The following IQSEC1 variants were observed in gnomAD, a reference collection of about 807,000 sequenced individuals.
IQSEC1 encodes the protein IQ motif and SEC7 domain-containing protein 1.
IQSEC1 carries 31 observed loss-of-function variants against 91.0 expected under a neutral mutation model. That is an observed-to-expected ratio of 0.34 (90% CI 0.26 to 0.46). IQSEC1 has a LOEUF of 0.46. Ranked by LOEUF, IQSEC1 falls within the 20% of genes least tolerant of loss-of-function variation. The pLI, the probability that IQSEC1 is intolerant of heterozygous loss-of-function variation, is 1.00. For missense variants in IQSEC1, 1,388 were observed against 1,575.6 expected (o/e 0.88, Z 2.02); for synonymous variants, 699 against 662.6 (o/e 1.05, Z -0.84).
chr3:13,222,648 C>T (rs943495149), intron 1 of IQSEC1, among the ~76,000 whole-genome samples: 2 of 152,198 alleles, frequency 1.3e-5, no homozygotes, highest in African/African-American at 4.8e-5. Context: ...AATGGCCTCT[C>T]GCAGCAGACG....
At chr3:12,933,080 G>C (rs1261453807) in intron 3 of IQSEC1, among the ~76,000 whole-genome samples, 1 of 152,240 alleles carries the variant, frequency 6.6e-6, no homozygotes, top group Admixed American at 6.5e-5. Flanking sequence ...AGGAAGGGGT[G>C]GGAACTGAGA....
chr3:13,022,790 A>T (rs1703461150), intron 1 of IQSEC1, among the ~76,000 whole-genome samples: 1 of 152,218 alleles, frequency 6.6e-6, no homozygotes, highest in South Asian at 2.1e-4. Flanking sequence ...AAATAAAGAC[A>T]AAATCAGGGC....
At position 12,900,466 on chromosome 3, in the gene IQSEC1, TA is replaced by T; in HGVS notation, c.*516del. ...TACCTATACAGTATATATATATATA[TA>T]TTTATATATTTATATATTTATATAA... On this transcript the variant is annotated 3_prime_UTR_variant, in exon 14 of 14. Transcript: ENST00000613206. 3 of 657,542 alleles carry T rather than the reference TA, an allele frequency of 4.6e-6. No homozygotes were observed. Among genetic ancestry groups the T allele is most frequent in the South Asian group, 1.4e-4 (2 of 14,750 alleles). The allele number at this position is 657,542 out of a possible 1,614,324, so 40.7% of individuals were successfully genotyped here. A position where few individuals can be genotyped will look rare whatever the true frequency, so the allele number is the denominator to read the frequency against.
intron 1 of IQSEC1, among the ~76,000 whole-genome samples, chr3:12,965,646 A>G (rs958425802): frequency 6.6e-6 from 1 of 152,228 alleles, no homozygotes; most frequent in African/African-American, 2.4e-5. Flanking sequence ...AGAAGGATCC[A>G]AGCAGGCTTC....
At chr3:12,968,808 C>T (rs925354124) in intron 1 of IQSEC1, among the ~76,000 whole-genome samples, 1 of 152,218 alleles carries the variant, frequency 6.6e-6, no homozygotes, top group African/African-American at 2.4e-5. Flanking sequence ...AGGCAGCTGG[C>T]AGGCCTACGG....
At chr3:13,012,995 C>G (rs1702957732) in intron 1 of IQSEC1, among the ~76,000 whole-genome samples, 1 of 101,858 alleles carries the variant, frequency 9.8e-6, no homozygotes, top group African/African-American at 5.1e-5. Flanking sequence ...CAGTCTTGCT[C>G]TGTGTCCAAG....
At chr3:13,024,275 C>G (rs1156582030) in intron 1 of IQSEC1, among the ~76,000 whole-genome samples, 1 of 152,204 alleles carries the variant, frequency 6.6e-6, no homozygotes, top group African/African-American at 2.4e-5. Context: ...ATTCACATAT[C>G]CATCTATCAT....
intron 4 of IQSEC1, among the ~76,000 whole-genome samples, chr3:12,923,573 G>C (rs1257189443): frequency 6.6e-6 from 1 of 152,218 alleles, no homozygotes; most frequent in African/African-American, 2.4e-5. Flanking sequence ...CATGAGTGCC[G>C]TGTATGTGAG....
At chr3:13,176,616 C>T (rs887297500) in intron 1 of IQSEC1, among the ~76,000 whole-genome samples, 2 of 152,194 alleles carry the variant, frequency 1.3e-5, no homozygotes, top group African/African-American at 4.8e-5. Flanking sequence ...CAGCAGGGCA[C>T]CATGACCCCA....
rs758655976 is a variant in IQSEC1, at chr3:12,922,112, G to A, written c.1853+8C>T. 2 of 1,581,698 alleles carry A rather than the reference G, an allele frequency of 1.3e-6. No individual in the cohort carries two copies. The highest frequency in any genetic ancestry group is 1.7e-6 in the Non-Finnish European group (2 of 1,158,690). On this transcript the variant is annotated splice_region_variant and intron_variant, in intron 5 of 13. Coordinates refer to ENST00000613206, the MANE Select transcript of IQSEC1 (RefSeq NM_001134382.3). The surrounding 1 kb of genome is among the most constrained non-coding windows in gnomAD (Gnocchi z 5.1). ...TGATGCAGCAGCCCCAGCCAGCCCG[G>A]GCCCCACCTGAACGCCTCTATGAGC...
chr3:13,222,395 T>G (rs1409180859), intron 1 of IQSEC1, among the ~76,000 whole-genome samples: 1 of 152,218 alleles, frequency 6.6e-6, no homozygotes, highest in Non-Finnish European at 1.5e-5. Flanking sequence ...TGCTTCCACC[T>G]TTGGCTATTG....
chr3:12,928,619 G>A (rs866773370), intron 3 of IQSEC1, among the ~76,000 whole-genome samples: 15 of 152,294 alleles, frequency 9.8e-5, no homozygotes, highest in Middle Eastern at 3.4e-3. Flanking sequence ...CTCCTAGCCC[G>A]TGTAATGAAG....
chr3:12,915,169 A>G, intron 7 of IQSEC1, 36 bp from the exon 8 acceptor site: 1 of 1,599,650 alleles, frequency 6.3e-7, no homozygotes, highest in African/African-American at 1.3e-5. Context: ...AAGGGTGTTC[A>G]TGTTTCAAAG....
chr3:13,143,447 A>C (rs533730358), intron 2 of IQSEC1, among the ~76,000 whole-genome samples: 1 of 152,340 alleles, frequency 6.6e-6, no homozygotes, highest in African/African-American at 2.4e-5. Flanking sequence ...CACATCCAGG[A>C]AGTGATGCAC....
At chr3:13,260,934 C>A (rs1695375055) in intron 1 of IQSEC1, among the ~76,000 whole-genome samples, 1 of 152,184 alleles carries the variant, frequency 6.6e-6, no homozygotes, top group African/African-American at 2.4e-5. Context: ...GCCACCCAGC[C>A]CCCACAGCAG....
At chr3:13,078,849 G>A (rs1201970183) in intron 2 of IQSEC1, among the ~76,000 whole-genome samples, 5 of 152,182 alleles carry the variant, frequency 3.3e-5, no homozygotes, top group African/African-American at 4.8e-5. Flanking sequence ...CGTACCTTGT[G>A]CCAACCGCCC....
At chr3:12,964,216 C>T (rs1342891364) in intron 1 of IQSEC1, among the ~76,000 whole-genome samples, 1 of 152,164 alleles carries the variant, frequency 6.6e-6, no homozygotes, top group Admixed American at 6.5e-5. Context: ...CTTCAAGAGC[C>T]TTAATGGCCT....
intron 1 of IQSEC1, among the ~76,000 whole-genome samples, chr3:13,003,910 A>T (rs1702529224): frequency 6.6e-6 from 1 of 152,236 alleles, no homozygotes; most frequent in African/African-American, 2.4e-5. Context: ...TGACATCTCA[A>T]ATGCTTCTAA....
At chr3:13,272,490 C>T (rs557249515) in intron 1 of IQSEC1, among the ~76,000 whole-genome samples, 1 of 152,212 alleles carries the variant, frequency 6.6e-6, no homozygotes, top group African/African-American at 2.4e-5. Context: ...GGTGGTGAAG[C>T]CCCAGTACGG....
Sources: gnomAD v4.1 joint callset for allele counts (sites outside exome capture counted in the v4.1 genomes callset) on GRCh38, gnomAD v4.1.1 for gene constraint, Gnocchi (gnomAD v3.1) non-coding constraint, MANE v1.5 for transcripts, NCBI Gene and HGNC (gene_info 2026-07-23, HGNC 2026-07-21) for gene names.